PCDHA6: variants seen among roughly 807,000 people sequenced by gnomAD.
PCDHA6 encodes protocadherin alpha 6.
PCDHA6 carries 55 observed loss-of-function variants against 60.3 expected under a neutral mutation model. The ratio of observed to expected loss-of-function variants is 0.91; its 90% confidence interval spans 0.73 to 1.14. The LOEUF (loss-of-function observed/expected upper bound fraction) is 1.14, where lower values mean the gene tolerates loss of function less well. Among genes scored for constraint, PCDHA6 ranks in the 50% most tolerant of loss-of-function variants. PCDHA6 has a pLI of 0.00. For synonymous variants in PCDHA6, 652 were observed against 557.9 expected (o/e 1.17, Z -2.38); for missense variants, 1,327 against 1,256.5 (o/e 1.06, Z -0.85).
At chr5:140,867,507 C>G (rs190699676) in intron 1 of PCDHA6, 5 of 151,968 alleles carry the variant, frequency 3.3e-5, no homozygotes, top group Non-Finnish European at 7.4e-5. Flanking sequence ...AGAACAAAAT[C>G]TCAAATTAAT....
chr5:140,946,363 A>T (rs2093934761), intron 1 of PCDHA6, among the ~76,000 whole-genome samples: 1 of 151,892 alleles, frequency 6.6e-6, no homozygotes, highest in African/African-American at 2.4e-5. Flanking sequence ...AGAAAAGGGA[A>T]CTCTTGCACA....
chr5:140,868,356 T>A (rs1465427202), intron 1 of PCDHA6: 1 of 152,118 alleles, frequency 6.6e-6, no homozygotes, highest in Non-Finnish European at 1.5e-5. Flanking sequence ...AGAAAGCAAT[T>A]AAATGTAAAT....
At position 140,973,488 on chromosome 5, in the gene PCDHA6, G is replaced by A. The variant is rs186493160; in HGVS notation, c.2395-5461G>A. Reference sequence around the variant, plus strand: ...GTTTGCAAATTTCATATTGGTCACAGGACTCTTCTTCTGAGAAAAAGTTTA... The same window carrying A: ...GTTTGCAAATTTCATATTGGTCACAAGACTCTTCTTCTGAGAAAAAGTTTA... On this transcript the variant is annotated intron_variant, in intron 1 of 3. Coordinates refer to ENST00000529310, the MANE Select transcript of PCDHA6 (RefSeq NM_018909.4). Among the ~76,000 whole-genome samples, 7 of 152,228 alleles carry A rather than the reference G, an allele frequency of 4.6e-5. No homozygotes were observed. The East Asian group carries it at 1.3e-3, about 29-fold the overall frequency.
chr5:140,920,974 A>G (rs77459262), intron 1 of PCDHA6, among the ~76,000 whole-genome samples: 17,697 of 151,984 alleles, frequency 0.12, 1,149 homozygotes, highest in Middle Eastern at 0.19. Context: ...CTAGAGTATA[A>G]TATTGTATTT....
At chr5:140,849,855 G>T (rs2150454163) in intron 1 of PCDHA6, 3 of 1,598,654 alleles carry the variant, frequency 1.9e-6, no homozygotes, top group Non-Finnish European at 2.6e-6. Flanking sequence ...CAACGCACCA[G>T]CGTTCGCGCA....
intron 1 of PCDHA6, among the ~76,000 whole-genome samples, chr5:140,969,822 G>C (rs559271640): frequency 2.0e-5 from 3 of 152,202 alleles, no homozygotes; most frequent in Non-Finnish European, 4.4e-5. Context: ...ACTCTGGACT[G>C]TCTACAGTGG....
In PCDHA6 at chr5:141,009,947, A is replaced by G; in HGVS notation, c.*10A>G. On this transcript the variant is annotated 3_prime_UTR_variant, in exon 4 of 4. Coordinates refer to ENST00000529310, the MANE Select transcript of PCDHA6 (RefSeq NM_018909.4). ...CAACAGTGACCAGTGAGGTCCTCAAATGGAAACAAGCCACTTAGCCAGTTT... is the reference window on the plus strand; with the variant it reads ...CAACAGTGACCAGTGAGGTCCTCAAGTGGAAACAAGCCACTTAGCCAGTTT... The G allele has an allele frequency of 1.9e-6, 3 of 1,596,272 alleles. No individual in the cohort carries two copies. The South Asian group carries it at 3.4e-5, about 18-fold the overall frequency.
chr5:140,859,697 G>T (rs1233998662), intron 1 of PCDHA6: 1 of 154,148 alleles, frequency 6.5e-6, no homozygotes, highest in Non-Finnish European at 1.4e-5. Flanking sequence ...TATTGTTCAA[G>T]TTTAGGAACA....
At chr5:140,966,968 G>T in intron 1 of PCDHA6, 1 of 1,602,616 alleles carries the variant, frequency 6.2e-7, no homozygotes. Context: ...GCTGGGGCTT[G>T]AGCTGCGGCG....
rs2150152822 is a variant in PCDHA6, at chr5:140,828,237, C to T, written c.146C>T (p.Ala49Val). 1.8e-5 allele frequency: 29 copies of T among 1,613,956 alleles called. No homozygotes were observed. Among genetic ancestry groups the T allele is most frequent in the South Asian group, 4.4e-5 (4 of 91,072 alleles). Residue 49 changes from alanine (A) to valine (V), a missense_variant, in exon 1 of 4, where the codon GCG (alanine) becomes GTG (valine). Physicochemically the swap from Ala to Val is moderately conservative, Grantham distance 64 (BLOSUM62 0). Coordinates refer to ENST00000529310, the MANE Select transcript of PCDHA6 (RefSeq NM_018909.4). ...AKHGTFVGRI[A>V]QDLGLELAEL... is the part of the protein sequence containing the mutation. ...CACGGCACCTTCGTGGGCCGGATCGCGCAGGACCTGGGGCTGGAGCTGGCG... is the reference window on the plus strand; with the variant it reads ...CACGGCACCTTCGTGGGCCGGATCGTGCAGGACCTGGGGCTGGAGCTGGCG...
chr5:140,950,040 C>A (rs1053592525), intron 1 of PCDHA6, among the ~76,000 whole-genome samples: 2 of 151,718 alleles, frequency 1.3e-5, no homozygotes, highest in Non-Finnish European at 3.0e-5. Flanking sequence ...AAGTTACAAC[C>A]ATATAAGACT....
chr5:140,874,917 T>G (rs2153317662), intron 1 of PCDHA6, among the ~76,000 whole-genome samples: 2 of 152,292 alleles, frequency 1.3e-5, no homozygotes, highest in Middle Eastern at 6.8e-3. Flanking sequence ...GGAGTGCTTG[T>G]GAAGGTTAAA....
intron 1 of PCDHA6, among the ~76,000 whole-genome samples, chr5:140,947,744 TG>T (rs1227312993): frequency 6.6e-6 from 1 of 151,630 alleles, no homozygotes; most frequent in Non-Finnish European, 1.5e-5. Flanking sequence ...CCTATTCTTA[TG>T]TATTTTATGG....
At chr5:140,876,061 C>T (rs782151232) in intron 1 of PCDHA6, 17 of 1,613,778 alleles carry the variant, frequency 1.1e-5, no homozygotes, top group African/African-American at 1.3e-5. Context: ...ATTAGTTCTT[C>T]GGAAGTTATT....
At chr5:140,900,957 A>C (rs1264192105) in intron 1 of PCDHA6, among the ~76,000 whole-genome samples, 1 of 152,206 alleles carries the variant, frequency 6.6e-6, no homozygotes, top group African/African-American at 2.4e-5. Flanking sequence ...TCTGATTATC[A>C]GTGATGTTGA....
intron 1 of PCDHA6, chr5:140,863,982 CAG>C (rs1167037323): frequency 6.5e-6 from 1 of 152,978 alleles, no homozygotes; most frequent in Non-Finnish European, 1.5e-5. Context: ...GCCTGGGAGA[CAG>C]GGTGAAACTC....
rs1337537154 is a variant in PCDHA6, at chr5:140,853,299, T to G, written c.2394+22814T>G. 5.1e-6 allele frequency: 5 copies of G among 982,044 alleles called. No homozygotes were observed. In the African/African-American group the frequency reaches 7.1e-5, roughly 14 times the overall value. 60.8% of individuals were successfully genotyped at this position (982,044 alleles called of 1,614,324 possible). The stretch of plus-strand genomic sequence containing the variant: ...ATCATATGCAAATTCTCAGAAGGGC[T>G]GTGAACACCTTAGTAATAAATTTAT... On this transcript the variant is annotated intron_variant, in intron 1 of 3. Coordinates refer to ENST00000529310, the MANE Select transcript of PCDHA6 (RefSeq NM_018909.4).
At position 140,828,424 on chromosome 5, in the gene PCDHA6, C is replaced by A. The variant is rs138737999; in HGVS notation, c.333C>A (p.Asp111Glu). The A allele has an allele frequency of 3.3e-5, 54 of 1,614,244 alleles. 1 individual carries two copies. The East Asian group carries it at 6.9e-4, about 21-fold the overall frequency. Residue 111 changes from aspartate (D) to glutamate (E), a missense_variant, in exon 1 of 4, where the codon GAC becomes GAA. By Grantham distance (45) the Asp-to-Glu change is conservative. Transcript: ENST00000529310. ...ECSIHLEVIV[D>E]RPLQVFHVDV... The stretch of plus-strand genomic sequence containing the variant: ...GCATCCACCTGGAGGTGATCGTGGA[C>A]AGGCCGCTGCAGGTTTTCCATGTGG...
At chr5:140,891,078 T>G (rs1554184657) in intron 1 of PCDHA6, among the ~76,000 whole-genome samples, 1 of 152,198 alleles carries the variant, frequency 6.6e-6, no homozygotes, top group Admixed American at 6.6e-5. Flanking sequence ...CAGTGTCTAC[T>G]GGTTTCCATT....
Sources: allele counts gnomAD v4.1 joint callset (sites outside exome capture counted in the v4.1 genomes callset), GRCh38; gene constraint gnomAD v4.1.1; transcripts MANE v1.5; gene names NCBI Gene and HGNC (gene_info 2026-07-23, HGNC 2026-07-21).